The following SNTG2 variants were observed in gnomAD, a reference collection of about 807,000 sequenced individuals.
SNTG2 encodes the protein gamma-2-syntrophin.
SNTG2 carries 74 observed loss-of-function variants against 70.9 expected under a neutral mutation model. The ratio of observed to expected loss-of-function variants is 1.04; its 90% CI spans 0.86 to 1.27. The LOEUF (loss-of-function observed/expected upper bound fraction) is 1.27, where lower values mean the gene tolerates loss of function less well. Among genes scored for constraint, SNTG2 ranks in the 50% most tolerant of loss-of-function variants. The probability of loss-of-function intolerance (pLI) is 0.00; values close to 1 mark genes in which losing one functional copy is unlikely to be tolerated. For missense variants in SNTG2, 717 were observed against 690.7 expected, an observed-to-expected ratio of 1.04 and a Z score of -0.43; for synonymous variants, 278 against 273.8, an observed-to-expected ratio of 1.02 and a Z score of -0.15.
At chr2:1,320,636 A>G (rs1459656000) in intron 16 of SNTG2, among the ~76,000 whole-genome samples, 1 of 152,040 alleles carries the variant, frequency 6.6e-6, no homozygotes, top group Non-Finnish European at 1.5e-5. Context: ...ATGGCTGGAA[A>G]TTTTAGGTTG....
intron 12 of SNTG2, among the ~76,000 whole-genome samples, chr2:1,254,011 G>A (rs940467906): frequency 4.6e-5 from 7 of 152,158 alleles, no homozygotes; most frequent in African/African-American, 1.7e-4. Context: ...TCTATTAGGA[G>A]AACAGCACCA....
intron 12 of SNTG2, among the ~76,000 whole-genome samples, chr2:1,256,092 A>G (rs1026998547): frequency 1.3e-5 from 2 of 151,378 alleles, no homozygotes; most frequent in African/African-American, 2.4e-5. Context: ...GATGGGCTGT[A>G]TATTTTTATT....
rs181652295 is a variant in SNTG2 at position 1,033,262 on chromosome 2, G to A, written c.73-50256G>A. On this transcript the variant is annotated intron_variant, in intron 1 of 16. Coordinates refer to ENST00000308624, the MANE Select transcript of SNTG2 (RefSeq NM_018968.4). ...TAAACAGTGGCCACTGACTGCTTTT[G>A]ACAGATGCCCTGGGAGGGTGTTGTC... is the stretch of plus-strand genomic sequence containing the variant. 2.4e-3 allele frequency among the ~76,000 whole-genome samples: 366 copies of A among 152,314 alleles called. 2 individuals are homozygous for A. Among genetic ancestry groups the A allele is most frequent in the African/African-American group, 7.8e-3 (325 of 41,566 alleles).
At chr2:1,052,885 AG>A (rs1662153965) in intron 1 of SNTG2, among the ~76,000 whole-genome samples, 1 of 152,310 alleles carries the variant, frequency 6.6e-6, no homozygotes, top group Non-Finnish European at 1.5e-5. Flanking sequence ...TGCACTTCAC[AG>A]GTTTTGAAAG....
intron 8 of SNTG2, among the ~76,000 whole-genome samples, chr2:1,197,242 A>C (rs1672964484): frequency 6.6e-6 from 1 of 152,092 alleles, no homozygotes. Flanking sequence ...TTCACTAGTA[A>C]ATACATTTAT....
At chr2:1,010,114 T>C (rs942397484) in intron 1 of SNTG2, among the ~76,000 whole-genome samples, 3 of 151,794 alleles carry the variant, frequency 2.0e-5, no homozygotes, top group Admixed American at 2.0e-4. Context: ...TTCAAAGGGG[T>C]ATGAACACAC....
intron 14 of SNTG2, among the ~76,000 whole-genome samples, chr2:1,278,687 C>T (rs1285341568): frequency 1.3e-5 from 2 of 152,070 alleles, no homozygotes; most frequent in African/African-American, 4.8e-5. Context: ...TTTGTCAGAA[C>T]GAAGAGCAAA....
In SNTG2 at chr2:1,181,977, C is replaced by G. The variant is rs1031055951; in HGVS notation, c.591+8794C>G. On this transcript the variant is annotated intron_variant, in intron 8 of 16. Coordinates refer to ENST00000308624, the MANE Select transcript of SNTG2 (RefSeq NM_018968.4). ...AAGTACAGAATCCATTGATCTTTCA[C>G]CTGTTGCTGAATCCATTGCTGCTTC... 4.6e-5 allele frequency among the ~76,000 whole-genome samples: 7 copies of G among 152,202 alleles called. No individual in the cohort carries two copies. The East Asian group carries it at 1.2e-3, about 25-fold the overall frequency.
At chr2:1,143,738 T>C (rs1010389303) in intron 6 of SNTG2, among the ~76,000 whole-genome samples, 3 of 76,610 alleles carry the variant, frequency 3.9e-5, no homozygotes, top group Non-Finnish European at 7.9e-5. Flanking sequence ...CTGGGAATGG[T>C]GGCGGATGCC....
chr2:1,048,306 A>G (rs183028181), intron 1 of SNTG2, among the ~76,000 whole-genome samples: 2 of 152,194 alleles, frequency 1.3e-5, no homozygotes, highest in African/African-American at 4.8e-5. Flanking sequence ...TTATGTGGCC[A>G]GCGCTGACAT....
rs1315468849 is a variant in SNTG2, at chr2:1,219,710, C to T, written c.719+10480C>T. Reference sequence around the variant, plus strand: ...GGAAGGGAGGGGAGTGGAGGGGAGGCGAGGGGAGGGGAGGCGGAGAGGAAG... The same window carrying T: ...GGAAGGGAGGGGAGTGGAGGGGAGGTGAGGGGAGGGGAGGCGGAGAGGAAG... On this transcript the variant is annotated intron_variant, in intron 9 of 16. Transcript: ENST00000308624. 9.2e-5 allele frequency among the ~76,000 whole-genome samples: 10 copies of T among 108,812 alleles called. No homozygotes were observed. The South Asian group carries it at 1.3e-3, about 14-fold the overall frequency. The allele number at this position is 108,812 out of a possible 152,430, so 71.4% of individuals were successfully genotyped here.
intron 11 of SNTG2, among the ~76,000 whole-genome samples, chr2:1,246,862 TA>T (rs1285029081): frequency 1.3e-5 from 2 of 152,242 alleles, no homozygotes; most frequent in Non-Finnish European, 2.9e-5. Flanking sequence ...TCTAATATTT[TA>T]CATTATTTCA....
intron 1 of SNTG2, among the ~76,000 whole-genome samples, chr2:1,010,222 A>T (rs906128194): frequency 2.6e-5 from 4 of 152,210 alleles, no homozygotes; most frequent in Non-Finnish European, 1.5e-5. Context: ...TAAAGATGGG[A>T]CCCAGAACTC....
At chr2:1,032,562 C>A (rs1339739497) in intron 1 of SNTG2, among the ~76,000 whole-genome samples, 1 of 152,152 alleles carries the variant, frequency 6.6e-6, no homozygotes, top group Non-Finnish European at 1.5e-5. Flanking sequence ...GATAAGATAT[C>A]CTTTATGCCC....
At chr2:1,211,801 A>C (rs373903621) in intron 9 of SNTG2, among the ~76,000 whole-genome samples, 2 of 152,326 alleles carry the variant, frequency 1.3e-5, no homozygotes, top group South Asian at 4.1e-4. Context: ...GCTACAATTC[A>C]AGATGAGATT....
At chr2:1,143,963 T>G (rs1248587286) in intron 6 of SNTG2, among the ~76,000 whole-genome samples, 1 of 143,702 alleles carries the variant, frequency 7.0e-6, no homozygotes, top group Admixed American at 6.9e-5. Context: ...AAACAGAAAT[T>G]TATTGCAATT....
chr2:1,092,407 C>A (rs1040954729), intron 2 of SNTG2, among the ~76,000 whole-genome samples: 1 of 152,132 alleles, frequency 6.6e-6, no homozygotes, highest in Non-Finnish European at 1.5e-5. Context: ...GGGATTAACA[C>A]CCCAGGTCAT....
At chr2:1,038,470 G>A (rs1275022637) in intron 1 of SNTG2, among the ~76,000 whole-genome samples, 1 of 152,106 alleles carries the variant, frequency 6.6e-6, no homozygotes, top group Non-Finnish European at 1.5e-5. Context: ...AGGAAGCTCC[G>A]CCTTCCTTGA....
intron 1 of SNTG2, among the ~76,000 whole-genome samples, chr2:1,005,847 ATATATATATATATATATATATAT>A (rs1659552570): frequency 4.5e-5 from 1 of 22,056 alleles, no homozygotes; most frequent in South Asian, 1.9e-3. Flanking sequence ...ATATATATAT[ATATATATATATATATATATATAT>A]ATATAAACGT....
Sources: gnomAD v4.1 joint callset for allele counts (sites outside exome capture counted in the v4.1 genomes callset) on GRCh38, gnomAD v4.1.1 for gene constraint, MANE v1.5 for transcripts, NCBI Gene and HGNC (gene_info 2026-07-23, HGNC 2026-07-21) for gene names.